Variants in AMPH observed in about 807,000 individuals in gnomAD.
AMPH encodes amphiphysin (Stiff-Mann syndrome with breast cancer 128kD autoantigen).
AMPH carries 49 observed loss-of-function variants against 99.1 expected under a neutral mutation model. The observed-to-expected ratio is 0.49, with a 90% confidence interval of 0.39 to 0.63. AMPH has a LOEUF of 0.63. Among genes scored for constraint, AMPH ranks in the 20% least tolerant of loss-of-function variants. The probability of loss-of-function intolerance (pLI) is 0.00; values close to 1 mark genes in which losing one functional copy is unlikely to be tolerated. For synonymous variants in AMPH, 314 were observed against 317.3 expected, an observed-to-expected ratio of 0.99 and a Z score of 0.11; for missense variants, 759 against 863.4, an observed-to-expected ratio of 0.88 and a Z score of 1.52.
Position 38,444,990 on chromosome 7 carries a change from C to T in AMPH, c.1018-8602G>A, listed in dbSNP as rs374458292. 5.2e-4 allele frequency among the ~76,000 whole-genome samples: 71 copies of T among 135,730 alleles called. 2 individuals carry two copies. The highest frequency in any genetic ancestry group is 1.6e-3 in the South Asian group (6 of 3,706). The allele number at this position is 135,730 out of a possible 152,430, so 89.0% of individuals were successfully genotyped here. A position where few individuals can be genotyped will look rare whatever the true frequency, so the allele number is the denominator to read the frequency against. ...GTCCAGAAATATATCCATATATATA[C>T]ATATATATATATATATATATACACA... is the stretch of plus-strand genomic sequence containing the variant. On this transcript the variant is annotated intron_variant, in intron 11 of 20. Transcript: ENST00000356264.
chr7:38,562,732 CA>C (rs1791600095), intron 1 of AMPH, among the ~76,000 whole-genome samples: 1 of 151,908 alleles, frequency 6.6e-6, no homozygotes, highest in Non-Finnish European at 1.5e-5. Flanking sequence ...AAAAAAAAAC[CA>C]AAAGCATCTT....
intron 3 of AMPH, among the ~76,000 whole-genome samples, chr7:38,502,074 A>G (rs1470791283): frequency 6.6e-6 from 1 of 152,146 alleles, no homozygotes; most frequent in Non-Finnish European, 1.5e-5. Flanking sequence ...TTTTTAATTT[A>G]ACCAACTGAC....
At chr7:38,477,593 A>G (rs1788133730) in intron 5 of AMPH, among the ~76,000 whole-genome samples, 2 of 152,208 alleles carry the variant, frequency 1.3e-5, no homozygotes, top group Non-Finnish European at 2.9e-5. Flanking sequence ...GTCTGAGAAC[A>G]AGACATTCCC....
intron 8 of AMPH, among the ~76,000 whole-genome samples, 196 bp from the exon 9 acceptor site, chr7:38,465,745 G>A (rs969063815): frequency 6.6e-6 from 1 of 152,090 alleles, no homozygotes; most frequent in Non-Finnish European, 1.5e-5. Context: ...CGAAACACGA[G>A]TAAACTAAAT....
intron 1 of AMPH, among the ~76,000 whole-genome samples, chr7:38,620,546 C>CAT (rs200755945): frequency 1.1e-5 from 1 of 93,480 alleles, no homozygotes; most frequent in African/African-American, 5.4e-5. Context: ...TATATACATA[C>CAT]ATACACACAC....
At chr7:38,392,091 C>A in intron 18 of AMPH, 74 bp from the exon 19 acceptor site, 1 of 1,508,244 alleles carries the variant, frequency 6.6e-7, no homozygotes, top group Non-Finnish European at 8.9e-7. Context: ...CACAACCTGC[C>A]TTAGCCCCCA....
intron 1 of AMPH, among the ~76,000 whole-genome samples, chr7:38,614,004 C>A (rs1793777731): frequency 6.6e-6 from 1 of 152,070 alleles, no homozygotes; most frequent in Non-Finnish European, 1.5e-5. Context: ...ACAGCCCCAC[C>A]TCCCACCATG....
At chr7:38,571,244 ATAAATATATAT>A (rs1584259050) in intron 1 of AMPH, among the ~76,000 whole-genome samples, 2 of 86,194 alleles carry the variant, frequency 2.3e-5, no homozygotes, top group East Asian at 6.1e-4. Flanking sequence ...ATATATAATT[ATAAATATATAT>A]TAAATATATA....
At chr7:38,597,192 A>C (rs556833714) in intron 1 of AMPH, among the ~76,000 whole-genome samples, 1 of 152,158 alleles carries the variant, frequency 6.6e-6, no homozygotes, top group South Asian at 2.1e-4. Context: ...ATAAATAATA[A>C]AAGTTTCAGA....
At chr7:38,561,402 G>C (rs1033947339) in intron 1 of AMPH, among the ~76,000 whole-genome samples, 1 of 152,204 alleles carries the variant, frequency 6.6e-6, no homozygotes, top group African/African-American at 2.4e-5. Flanking sequence ...CAGCACAATG[G>C]GTCATGCATC....
At chr7:38,610,771 T>G (rs28510981) in intron 1 of AMPH, among the ~76,000 whole-genome samples, 1 of 152,066 alleles carries the variant, frequency 6.6e-6, no homozygotes, top group Non-Finnish European at 1.5e-5. Flanking sequence ...TAAAAAGGAA[T>G]GTAAAACATT....
chr7:38,610,353 G>A (rs144720089), intron 1 of AMPH, among the ~76,000 whole-genome samples: 4 of 32,724 alleles, frequency 1.2e-4, no homozygotes, highest in Middle Eastern at 0.01. Context: ...GAAAAGAAAA[G>A]AAAAGAAAAG....
intron 11 of AMPH, among the ~76,000 whole-genome samples, chr7:38,441,008 G>T (rs1393981289): frequency 1.3e-5 from 2 of 151,882 alleles, no homozygotes; most frequent in Non-Finnish European, 2.9e-5. Flanking sequence ...GACCCAACTA[G>T]ATACTGTCTA....
Position 38,631,017 on chromosome 7 carries a change from C to T in AMPH, c.69+266G>A, listed in dbSNP as rs569189760. Among the ~76,000 whole-genome samples the T allele has an allele frequency of 1.0e-3, 152 of 152,274 alleles. 1 individual carries two copies. Among genetic ancestry groups the T allele is most frequent in the African/African-American group, 3.5e-3 (145 of 41,566 alleles). On this transcript the variant is annotated intron_variant, in intron 1 of 20. Coordinates refer to ENST00000356264, the MANE Select transcript of AMPH (RefSeq NM_001635.4). ...GAGAGCGGCAACCCGGGGCCGGCTC[C>T]GGAGCTGGACATATCCGGCGTCTCC... is the stretch of plus-strand genomic sequence containing the variant.
chr7:38,420,330 G>A (rs572652902), intron 16 of AMPH, among the ~76,000 whole-genome samples: 3 of 152,316 alleles, frequency 2.0e-5, no homozygotes, highest in South Asian at 2.1e-4. Flanking sequence ...ACCGCTTGTG[G>A]AGAGATTTAA....
At chr7:38,399,988 A>G (rs1784797022) in intron 17 of AMPH, among the ~76,000 whole-genome samples, 1 of 152,216 alleles carries the variant, frequency 6.6e-6, no homozygotes, top group South Asian at 2.1e-4. Flanking sequence ...TGTCCATCAC[A>G]CAGAAATCAC....
chr7:38,569,131 T>A (rs1416656546), intron 1 of AMPH, among the ~76,000 whole-genome samples: 1 of 152,128 alleles, frequency 6.6e-6, no homozygotes, highest in African/African-American at 2.4e-5. Flanking sequence ...CCAACCCTCA[T>A]CTATTTTTGC....
intron 17 of AMPH, among the ~76,000 whole-genome samples, chr7:38,406,723 TCC>T (rs371629102): frequency 4.5e-4 from 37 of 83,022 alleles, no homozygotes; most frequent in East Asian, 1.1e-3. Context: ...CCTCTCTCTC[TCC>T]CTTTCCCTCT....
intron 17 of AMPH, among the ~76,000 whole-genome samples, chr7:38,408,473 T>C (rs1785115293): frequency 6.6e-6 from 1 of 152,140 alleles, no homozygotes; most frequent in Non-Finnish European, 1.5e-5. Flanking sequence ...TTTCTCCACA[T>C]TACTTAGGCC....
Sources: gnomAD v4.1 joint callset for allele counts (sites outside exome capture counted in the v4.1 genomes callset) on GRCh38, gnomAD v4.1.1 for gene constraint, MANE v1.5 for transcripts, NCBI Gene and HGNC (gene_info 2026-07-23, HGNC 2026-07-21) for gene names.